Variants in GRM5 observed in about 807,000 individuals in gnomAD.
GRM5 encodes glutamate metabotropic receptor 5, also known as metabotropic glutamate receptor 5.
Under a neutral mutation model 83.1 loss-of-function variants are expected in GRM5, and 19 were observed. That is an observed-to-expected ratio of 0.23 (90% CI 0.16 to 0.34). The LOEUF (loss-of-function observed/expected upper bound fraction) is 0.34, where lower values mean the gene tolerates loss of function less well. Among genes scored for constraint, GRM5 ranks in the 10% least tolerant of loss-of-function variants. GRM5 has a pLI of 1.00. For missense variants in GRM5, 1,160 were observed against 1,588.3 expected (o/e 0.73, Z 4.58); for synonymous variants, 675 against 633.6 (o/e 1.07, Z -0.98).
chr11:88,793,603 T>C (rs1165466235), intron 3 of GRM5, among the ~76,000 whole-genome samples: 1 of 152,192 alleles, frequency 6.6e-6, no homozygotes, highest in East Asian at 1.9e-4. Flanking sequence ...AATGTGGATA[T>C]AAAAATTAAG....
intron 3 of GRM5, among the ~76,000 whole-genome samples, chr11:88,812,216 C>A (rs1943600348): frequency 6.6e-6 from 1 of 152,070 alleles, no homozygotes; most frequent in South Asian, 2.1e-4. Context: ...TCCCAATATT[C>A]ACATATATTG....
At position 88,590,667 on chromosome 11, in the gene GRM5, A is replaced by G. The variant is rs1937622655; in HGVS notation, c.1624T>C (p.Tyr542His). The G allele has an allele frequency of 1.2e-6, 2 of 1,607,886 alleles. No individual in the cohort carries two copies. The highest frequency in any genetic ancestry group is 2.2e-5 in the East Asian group (1 of 44,838). The part of the protein sequence containing the change: ...WTCTPCKENE[Y>H]VFDEYTCKAC... ...TTGCATGTGTACTCATCAAAGACAT[A>G]CTCATTCTCCTTACAAGGTGTACAG... The change falls in exon 7 of 10, where the codon TAT becomes CAT. Residue 542 changes from tyrosine to histidine, a missense_variant. Physicochemically the swap from Tyr to His is moderately conservative, Grantham distance 83. Around this residue, in one of 9 missense-constraint regions of GRM5, gnomAD observed 132 missense variants for 245.5 expected, o/e 0.54. Transcript: ENST00000305447.
intron 2 of GRM5, among the ~76,000 whole-genome samples, chr11:89,019,289 C>T (rs1251702243): frequency 6.6e-6 from 1 of 152,144 alleles, no homozygotes; most frequent in African/African-American, 2.4e-5. Context: ...GTGCTGTCAT[C>T]ATACCCTTAT....
chr11:89,064,367 A>G (rs1348641297), intron 1 of GRM5, among the ~76,000 whole-genome samples: 1 of 152,212 alleles, frequency 6.6e-6, no homozygotes, highest in Non-Finnish European at 1.5e-5. Context: ...GGATCTGAAC[A>G]TTTCTAAACA....
intron 2 of GRM5, among the ~76,000 whole-genome samples, chr11:89,000,076 T>C (rs531126711): frequency 9.2e-5 from 14 of 151,430 alleles, no homozygotes; most frequent in Non-Finnish European, 2.1e-4. Flanking sequence ...CATCACACAC[T>C]GGGGCCTGTT....
intron 2 of GRM5, among the ~76,000 whole-genome samples, chr11:88,972,456 CAAT>C (rs1419339080): frequency 1.3e-5 from 2 of 152,030 alleles, no homozygotes; most frequent in Non-Finnish European, 2.9e-5. Flanking sequence ...TAACTCTTAA[CAAT>C]AATAATGACC....
At chr11:88,669,642 A>G (rs558304811) in intron 3 of GRM5, among the ~76,000 whole-genome samples, 2 of 152,178 alleles carry the variant, frequency 1.3e-5, no homozygotes, top group East Asian at 3.9e-4. Flanking sequence ...ATACATAAAT[A>G]CATTTAATTT....
At chr11:88,986,727 C>CTTTTTTTTTT (rs60281684) in intron 2 of GRM5, among the ~76,000 whole-genome samples, 69 of 93,092 alleles carry the variant, frequency 7.4e-4, no homozygotes, top group Non-Finnish European at 8.5e-4. Context: ...TTTATTTTTG[C>CTTTTTTTTTT]TTTTTTTTTT....
chr11:88,651,517 A>G (rs555463285), intron 4 of GRM5, among the ~76,000 whole-genome samples: 1 of 152,190 alleles, frequency 6.6e-6, no homozygotes, highest in East Asian at 1.9e-4. Context: ...AGAGAAAAGA[A>G]ATCTGTTGTC....
chr11:89,026,301 C>G (rs182426100), intron 2 of GRM5, among the ~76,000 whole-genome samples: 89 of 152,146 alleles, frequency 5.8e-4, no homozygotes, highest in African/African-American at 2.0e-3. Context: ...ACATGTACCC[C>G]CTGAACCTAA....
chr11:88,912,298 T>A (rs1373558673), intron 2 of GRM5, among the ~76,000 whole-genome samples: 1 of 151,794 alleles, frequency 6.6e-6, no homozygotes, highest in Admixed American at 6.6e-5. Flanking sequence ...AACAAATTGA[T>A]GTTTGTTACT....
intron 3 of GRM5, among the ~76,000 whole-genome samples, chr11:88,757,269 T>C (rs2135434090): frequency 6.6e-6 from 1 of 152,332 alleles, no homozygotes; most frequent in South Asian, 2.1e-4. Flanking sequence ...CCACATCATT[T>C]TGCCAGTGCA....
chr11:88,628,482 C>T (rs1472192835), intron 4 of GRM5, among the ~76,000 whole-genome samples: 1 of 152,188 alleles, frequency 6.6e-6, no homozygotes, highest in African/African-American at 2.4e-5. Flanking sequence ...AATATCTGCT[C>T]TGATAGTCAT....
At chr11:88,746,041 A>G (rs78876013) in intron 3 of GRM5, among the ~76,000 whole-genome samples, 1 of 152,296 alleles carries the variant, frequency 6.6e-6, no homozygotes, top group African/African-American at 2.4e-5. Flanking sequence ...CTGGCATGTA[A>G]TAAGCATGCA....
intron 8 of GRM5, among the ~76,000 whole-genome samples, chr11:88,553,020 A>G (rs571767085): frequency 6.6e-6 from 1 of 152,196 alleles, no homozygotes; most frequent in African/African-American, 2.4e-5. Context: ...GCATTCTGCT[A>G]ACATGTCTTT....
chr11:88,511,979 G>A (rs1941384126), intron 9 of GRM5: 1 of 152,192 alleles, frequency 6.6e-6, no homozygotes, highest in Non-Finnish European at 1.5e-5. Flanking sequence ...TTTTACCTTA[G>A]GGACACTCTT....
At chr11:88,816,808 T>A (rs972544280) in intron 3 of GRM5, among the ~76,000 whole-genome samples, 2 of 148,806 alleles carry the variant, frequency 1.3e-5, no homozygotes, top group Non-Finnish European at 3.0e-5. Flanking sequence ...AGAGAAGTTA[T>A]ATTGCTACAA....
intron 8 of GRM5, among the ~76,000 whole-genome samples, chr11:88,566,559 G>A (rs982303228): frequency 3.3e-5 from 5 of 152,114 alleles, no homozygotes; most frequent in African/African-American, 9.7e-5. Flanking sequence ...ACATTCTTGT[G>A]CCTCTATTGG....
At chr11:88,983,040 T>C (rs369800921) in intron 2 of GRM5, among the ~76,000 whole-genome samples, 3 of 152,180 alleles carry the variant, frequency 2.0e-5, no homozygotes, top group East Asian at 1.9e-4. Context: ...CACTCCAGCC[T>C]GGGCAACGAG....
Sources: gnomAD v4.1 joint callset for allele counts (sites outside exome capture counted in the v4.1 genomes callset) on GRCh38, gnomAD v4.1.1 for gene constraint, gnomAD v4.1.1 regional missense constraint, MANE v1.5 for transcripts, NCBI Gene and HGNC (gene_info 2026-07-23, HGNC 2026-07-21) for gene names.